PTPRD: variants seen among roughly 807,000 people sequenced by gnomAD.
PTPRD encodes protein tyrosine phosphatase receptor type D, also known as receptor-type tyrosine-protein phosphatase delta.
Under a neutral mutation model 214.5 loss-of-function variants are expected in PTPRD, and 34 were observed. The observed-to-expected ratio is 0.16, with a 90% CI of 0.12 to 0.21. The LOEUF (loss-of-function observed/expected upper bound fraction) is 0.21. Ranked by LOEUF, PTPRD falls within the 10% of genes least tolerant of loss-of-function variation. PTPRD has a pLI of 1.00. For missense variants in PTPRD, 2,545 were observed against 2,398.7 expected (o/e 1.06, Z -1.27); for synonymous variants, 1,128 against 845.7 (o/e 1.33, Z -5.79).
intron 5 of PTPRD, among the ~76,000 whole-genome samples, chr9:9,839,176 A>C (rs2057654193): frequency 6.6e-6 from 1 of 152,240 alleles, no homozygotes; most frequent in Non-Finnish European, 1.5e-5. Context: ...GTAGCCTTGT[A>C]GTATAGTGTT....
chr9:8,634,622 C>T lies in PTPRD; in HGVS notation c.211-1164G>A, dbSNP rs571913492. 4.6e-5 allele frequency among the ~76,000 whole-genome samples: 7 copies of T among 152,110 alleles called. No individual in the cohort carries two copies. In the East Asian group the frequency reaches 1.4e-3, roughly 29 times the overall value. On this transcript the variant is annotated intron_variant, in intron 13 of 45. Coordinates refer to ENST00000381196, the MANE Select transcript of PTPRD (RefSeq NM_002839.4). ...TATTTTCAACTCTATAAAGCATACA[C>T]TTTAAAATAAATCTACTATGCATCT...
chr9:9,238,427 A>C (rs1456212863), intron 9 of PTPRD, among the ~76,000 whole-genome samples: 1 of 152,108 alleles, frequency 6.6e-6, no homozygotes, highest in Non-Finnish European at 1.5e-5. Context: ...TTTTGGAGTT[A>C]TAGGTGTCTG....
chr9:8,679,189 C>G (rs1376234656), intron 12 of PTPRD, among the ~76,000 whole-genome samples: 4 of 152,112 alleles, frequency 2.6e-5, no homozygotes, highest in Non-Finnish European at 5.9e-5. Flanking sequence ...TTCTGGAATC[C>G]TAAAATGATG....
intron 2 of PTPRD, among the ~76,000 whole-genome samples, chr9:10,574,126 GA>G (rs1287207723): frequency 6.6e-6 from 1 of 152,056 alleles, no homozygotes; most frequent in African/African-American, 2.4e-5. Context: ...TTCTATGTAA[GA>G]CATCTATAAC....
chr9:9,198,332 T>A (rs923302085), intron 9 of PTPRD, among the ~76,000 whole-genome samples: 10 of 151,676 alleles, frequency 6.6e-5, no homozygotes, highest in Non-Finnish European at 4.4e-5. Flanking sequence ...TTAATTTTTG[T>A]ACCCTAAGTG....
chr9:8,649,800 A>G (rs2096769061), intron 12 of PTPRD, among the ~76,000 whole-genome samples: 1 of 152,356 alleles, frequency 6.6e-6, no homozygotes, highest in Non-Finnish European at 1.5e-5. Flanking sequence ...TAACTTCTAA[A>G]TATTATGACT....
At chr9:9,462,713 G>C (rs2093770419) in intron 8 of PTPRD, among the ~76,000 whole-genome samples, 1 of 152,074 alleles carries the variant, frequency 6.6e-6, no homozygotes, top group African/African-American at 2.4e-5. Context: ...TTTCCAGTTT[G>C]TGACCCAAAT....
intron 2 of PTPRD, among the ~76,000 whole-genome samples, chr9:10,605,653 G>T (rs115867361): frequency 1.3e-5 from 2 of 151,634 alleles, no homozygotes; most frequent in Non-Finnish European, 2.9e-5. Context: ...GTGTAGATAC[G>T]TATCTGGAAA....
chr9:8,330,620 A>T (rs1839383173), intron 44 of PTPRD, among the ~76,000 whole-genome samples: 1 of 152,210 alleles, frequency 6.6e-6, no homozygotes, highest in Admixed American at 6.5e-5. Flanking sequence ...AACATGCCTG[A>T]GAAACAAAGG....
At chr9:10,214,371 G>C (rs1318572232) in intron 3 of PTPRD, among the ~76,000 whole-genome samples, 4 of 151,720 alleles carry the variant, frequency 2.6e-5, no homozygotes, top group Admixed American at 2.6e-4. Flanking sequence ...CTACCTCCTG[G>C]GTTCAAGTGA....
At chr9:8,499,409 T>C (rs532971342) in intron 25 of PTPRD, among the ~76,000 whole-genome samples, 1 of 152,192 alleles carries the variant, frequency 6.6e-6, no homozygotes, top group South Asian at 2.1e-4. Context: ...AATATCTGTA[T>C]TTTAAGGAAA....
intron 8 of PTPRD, among the ~76,000 whole-genome samples, chr9:9,536,276 G>T (rs1476445339): frequency 7.9e-5 from 12 of 151,904 alleles, no homozygotes; most frequent in Non-Finnish European, 1.3e-4. Flanking sequence ...TCAGTGCTTG[G>T]CTAAAGATTA....
At chr9:10,211,115 A>C (rs1205656654) in intron 3 of PTPRD, among the ~76,000 whole-genome samples, 1 of 152,052 alleles carries the variant, frequency 6.6e-6, no homozygotes, top group Non-Finnish European at 1.5e-5. Flanking sequence ...GATTGGTAAA[A>C]ATAAAAAATG....
intron 9 of PTPRD, among the ~76,000 whole-genome samples, chr9:9,217,928 T>C (rs931782823): frequency 6.6e-6 from 1 of 152,168 alleles, no homozygotes; most frequent in Non-Finnish European, 1.5e-5. Flanking sequence ...TTTTTATCTA[T>C]GGCGTGCAAT....
intron 3 of PTPRD, among the ~76,000 whole-genome samples, chr9:10,098,371 A>T (rs1382114591): frequency 6.6e-6 from 1 of 151,320 alleles, no homozygotes; most frequent in Non-Finnish European, 1.5e-5. Flanking sequence ...GAGGGATAGC[A>T]TTAGGAGATA....
chr9:9,483,265 T>C (rs937084075), intron 8 of PTPRD, among the ~76,000 whole-genome samples: 6 of 152,202 alleles, frequency 3.9e-5, no homozygotes, highest in African/African-American at 1.2e-4. Context: ...TCTCACCACA[T>C]TGCTTTCCCC....
In PTPRD at chr9:8,344,044, T is replaced by C. The variant is rs184870732; in HGVS notation, c.4662-2066A>G. ...GCTGGTCTCCTGATATGCCATCAGATTGCAGTTAAAGGAACCTAAGTCAGA... is the reference window on the plus strand; with the variant it reads ...GCTGGTCTCCTGATATGCCATCAGACTGCAGTTAAAGGAACCTAAGTCAGA... On this transcript the variant is annotated intron_variant, in intron 39 of 45. Transcript: ENST00000381196. Among the ~76,000 whole-genome samples the C allele has an allele frequency of 4.6e-5, 7 of 151,862 alleles. No homozygotes were observed. The East Asian group carries it at 1.4e-3, about 29-fold the overall frequency.
chr9:8,358,690 C>T (rs2077571523), intron 39 of PTPRD, among the ~76,000 whole-genome samples: 4 of 152,082 alleles, frequency 2.6e-5, no homozygotes, highest in Admixed American at 2.6e-4. Flanking sequence ...TATTTTAATT[C>T]AGTTAGCCTA....
chr9:10,119,185 G>GC (rs1218268284), intron 3 of PTPRD, among the ~76,000 whole-genome samples: 11 of 151,788 alleles, frequency 7.2e-5, no homozygotes, highest in African/African-American at 2.7e-4. Context: ...GAGGTGATTG[G>GC]CACAGAGCTA....
Sources: allele counts gnomAD v4.1 joint callset (sites outside exome capture counted in the v4.1 genomes callset), GRCh38; gene constraint gnomAD v4.1.1; transcripts MANE v1.5; gene names NCBI Gene and HGNC (gene_info 2026-07-23, HGNC 2026-07-21).